The following CLASP1 variants were observed in gnomAD, a reference collection of about 807,000 sequenced individuals.
The protein encoded by CLASP1 is CLIP-associating protein 1.
CLASP1 carries 38 observed loss-of-function variants against 192.3 expected under a neutral mutation model. The observed-to-expected ratio is 0.20, with a 90% CI of 0.15 to 0.26. CLASP1 has a LOEUF of 0.26. Ranked by LOEUF, CLASP1 falls within the 10% of genes least tolerant of loss-of-function variation. The probability of loss-of-function intolerance (pLI) is 1.00; values close to 1 mark genes in which losing one functional copy is unlikely to be tolerated. For synonymous variants in CLASP1, 691 were observed against 712.8 expected (o/e 0.97, Z 0.49); for missense variants, 1,433 against 1,932.5 (o/e 0.74, Z 4.85).
intron 1 of CLASP1, among the ~76,000 whole-genome samples, chr2:121,620,011 C>T (rs1225975330): frequency 6.6e-6 from 1 of 152,176 alleles, no homozygotes; most frequent in African/African-American, 2.4e-5. Context: ...CACCTGAGGT[C>T]AGGAGTTCAA....
intron 26 of CLASP1, 76 bp from the exon 28 acceptor site, chr2:121,401,946 T>C (rs1018756933): frequency 1.4e-5 from 8 of 569,804 alleles, no homozygotes; most frequent in African/African-American, 1.1e-4. Context: ...ATTAATACCA[T>C]TTTCATGCGT....
At chr2:121,626,382 A>G (rs2068372153) in intron 1 of CLASP1, among the ~76,000 whole-genome samples, 1 of 152,236 alleles carries the variant, frequency 6.6e-6, no homozygotes, top group African/African-American at 2.4e-5. Flanking sequence ...CATCAATAAA[A>G]TAAGTATAGC....
At chr2:121,350,066 C>T (rs1336433323) in intron 37 of CLASP1, among the ~76,000 whole-genome samples, 1 of 152,236 alleles carries the variant, frequency 6.6e-6, no homozygotes, top group African/African-American at 2.4e-5. Context: ...AAGACAGGCA[C>T]CAGGCTATAC....
chr2:121,557,245 G>A (rs1343439398), intron 2 of CLASP1, among the ~76,000 whole-genome samples: 1 of 152,150 alleles, frequency 6.6e-6, no homozygotes, highest in East Asian at 1.9e-4. Context: ...TCTTCACTCA[G>A]TAGATAGCTT....
At chr2:121,549,188 A>G (rs1285766400) in intron 2 of CLASP1, among the ~76,000 whole-genome samples, 1 of 152,242 alleles carries the variant, frequency 6.6e-6, no homozygotes, top group Non-Finnish European at 1.5e-5. Flanking sequence ...TGTCTTCAAG[A>G]AACTGATCTC....
intron 2 of CLASP1, among the ~76,000 whole-genome samples, chr2:121,601,753 A>T (rs1373396136): frequency 3.3e-5 from 5 of 152,078 alleles, no homozygotes; most frequent in East Asian, 3.9e-4. Flanking sequence ...ATACAGAAAA[A>T]CCTAAAGATT....
chr2:121,519,596 A>G (rs1160195148), intron 6 of CLASP1, among the ~76,000 whole-genome samples: 1 of 152,234 alleles, frequency 6.6e-6, no homozygotes, highest in Non-Finnish European at 1.5e-5. Flanking sequence ...ACAAATCTAC[A>G]GGCTGAAACC....
intron 7 of CLASP1, among the ~76,000 whole-genome samples, chr2:121,506,954 TG>T (rs2093965232): frequency 2.0e-5 from 3 of 152,002 alleles, no homozygotes; most frequent in Admixed American, 2.0e-4. Flanking sequence ...ACAAAAAATC[TG>T]GGGAGGGGAA....
intron 1 of CLASP1, among the ~76,000 whole-genome samples, chr2:121,616,897 G>A (rs1222488564): frequency 6.6e-6 from 1 of 152,112 alleles, no homozygotes; most frequent in Non-Finnish European, 1.5e-5. Flanking sequence ...ACTTCATCAA[G>A]GCCTTCAAGA....
chr2:121,432,903 T>C (rs989702712), intron 19 of CLASP1, among the ~76,000 whole-genome samples: 2 of 152,188 alleles, frequency 1.3e-5, no homozygotes, highest in African/African-American at 4.8e-5. Context: ...TCTTTGCCTT[T>C]ATTGTGGTGT....
At chr2:121,564,958 G>T (rs1446604176) in intron 2 of CLASP1, among the ~76,000 whole-genome samples, 1 of 152,110 alleles carries the variant, frequency 6.6e-6, no homozygotes, top group South Asian at 2.1e-4. Flanking sequence ...GTGGACAAGG[G>T]GACTGCCACT....
intron 1 of CLASP1, among the ~76,000 whole-genome samples, chr2:121,606,416 T>C (rs1206724136): frequency 1.3e-5 from 2 of 152,218 alleles, no homozygotes; most frequent in African/African-American, 4.8e-5. Context: ...GGCAGGTTGA[T>C]GTTTTCCAGA....
intron 8 of CLASP1, among the ~76,000 whole-genome samples, chr2:121,484,213 T>C (rs1006653043): frequency 2.0e-5 from 3 of 152,214 alleles, no homozygotes; most frequent in African/African-American, 7.2e-5. Context: ...TCCTCACACT[T>C]TGATCATATG....
At chr2:121,430,580 C>T (rs770946542) in intron 19 of CLASP1, among the ~76,000 whole-genome samples, 32 of 152,112 alleles carry the variant, frequency 2.1e-4, no homozygotes, top group Admixed American at 9.8e-4. Context: ...AAAATATTTA[C>T]TGTCACTGTA....
At chr2:121,449,966 A>T (rs1278550871) in intron 16 of CLASP1, among the ~76,000 whole-genome samples, 7 of 152,212 alleles carry the variant, frequency 4.6e-5, no homozygotes, top group Non-Finnish European at 1.0e-4. Context: ...CACTGGCAGT[A>T]GTTATCAATG....
intron 1 of CLASP1, among the ~76,000 whole-genome samples, chr2:121,632,292 C>T (rs1309351845): frequency 6.6e-6 from 1 of 151,972 alleles, no homozygotes; most frequent in Non-Finnish European, 1.5e-5. Flanking sequence ...ATCAAAACCT[C>T]CAACGTGAAT....
chr2:121,360,725 G>A (rs1391757745), intron 37 of CLASP1, among the ~76,000 whole-genome samples: 1 of 152,098 alleles, frequency 6.6e-6, no homozygotes, highest in Non-Finnish European at 1.5e-5. Context: ...GAAACTCCAA[G>A]GGCAATGAGT....
chr2:121,626,633 C>T (rs1239831563), intron 1 of CLASP1, among the ~76,000 whole-genome samples: 3 of 151,942 alleles, frequency 2.0e-5, no homozygotes, highest in Admixed American at 6.6e-5. Context: ...CTATGTTGCC[C>T]ATGCTGGTCT....
At chr2:121,427,475 A>C (rs755390246) in intron 20 of CLASP1, 45 bp from the exon 21 acceptor site, 1 of 1,603,450 alleles carries the variant, frequency 6.2e-7, no homozygotes, top group East Asian at 2.2e-5. Flanking sequence ...AAGTGGATTA[A>C]AAGACAATAA....
Sources: allele counts gnomAD v4.1 joint callset (sites outside exome capture counted in the v4.1 genomes callset), GRCh38; gene constraint gnomAD v4.1.1; transcripts MANE v1.5; gene names NCBI Gene and HGNC (gene_info 2026-07-23, HGNC 2026-07-21).